Variants in KCNQ1OT1 observed in about 807,000 individuals in gnomAD.
KCNQ1OT1 encodes the protein KCNQ1 opposite strand/antisense transcript 1.
rs1228607868 is a variant in KCNQ1OT1 at position 2,613,583 on chromosome 11, A to T, written n.86412T>A. 1 of 398,448 alleles carries T rather than the reference A, an allele frequency of 2.5e-6. No homozygotes were observed. Among genetic ancestry groups the T allele is most frequent in the Non-Finnish European group, 4.4e-6 (1 of 226,062 alleles). The allele number at this position is 398,448 out of a possible 1,614,324, so 24.7% of individuals were successfully genotyped here. On this transcript the variant is annotated non_coding_transcript_exon_variant, in exon 1 of 1. Transcript: ENST00000597346. The surrounding 1 kb of genome is among the most constrained non-coding windows in gnomAD (Gnocchi z 4.8). ...AAGGCTTAATATTTTTTCTTTAATT[A>T]GCACTTTTCAATTTTATATTTCTTT... is the stretch of plus-strand genomic sequence containing the variant.
chr11:2,629,555 C>A (rs896287115), exon 1 of KCNQ1OT1: 6 of 398,420 alleles, frequency 1.5e-5, no homozygotes, highest in Admixed American at 8.8e-5. Flanking sequence ...GTGAGGATAT[C>A]CAGTTTTCCT....
At chr11:2,641,217 C>T in exon 1 of KCNQ1OT1, 1 of 398,342 alleles carries the variant, frequency 2.5e-6, no homozygotes. Context: ...TCATATTTCT[C>T]TTTTTAGGTT....
chr11:2,622,364 C>A, exon 1 of KCNQ1OT1: 1 of 398,132 alleles, frequency 2.5e-6, no homozygotes, highest in Non-Finnish European at 4.4e-6. Context: ...GTATAATTAC[C>A]TCCAGCTTTC....
Position 2,664,671 on chromosome 11 carries a change from G to A in KCNQ1OT1, n.35324C>T. 1 of 398,806 alleles carries A rather than the reference G, an allele frequency of 2.5e-6. No homozygotes were observed. The highest frequency in any genetic ancestry group is 4.4e-6 in the Non-Finnish European group (1 of 226,238). 24.7% of individuals were successfully genotyped at this position (398,806 alleles called of 1,614,324 possible). On this transcript the variant is annotated non_coding_transcript_exon_variant, in exon 1 of 1. Coordinates refer to ENST00000597346, the Ensembl canonical transcript of KCNQ1OT1. This position sits in a 1 kb window ranked among gnomAD's most constrained non-coding sequence, Gnocchi z 5.1. ...TGCTCAGGGATGCAGCGAAGCTCCT[G>A]TGGGCAGCCTGGCCCCATGGACCCT...
chr11:2,615,041 CTATT>C (rs1259178124), exon 1 of KCNQ1OT1: 1 of 398,266 alleles, frequency 2.5e-6, no homozygotes, highest in Non-Finnish European at 4.4e-6. Flanking sequence ...ATGTATAGTT[CTATT>C]TATTTAAGTC....
At chr11:2,656,952 A>G (rs1046648149) in exon 1 of KCNQ1OT1, 6 of 398,626 alleles carry the variant, frequency 1.5e-5, no homozygotes, top group East Asian at 1.4e-4. Context: ...TGGGTATCCA[A>G]CTGCTCCTGA....
rs1850433802 is a variant in KCNQ1OT1 at position 2,683,503 on chromosome 11, G to T, written n.16492C>A. ...TCCTATTAAAACATAACTTGTTAAA[G>T]CATAGAGCTTAGTTCAGAGTAAACA... On this transcript the variant is annotated non_coding_transcript_exon_variant, in exon 1 of 1. Coordinates refer to ENST00000597346, the Ensembl canonical transcript of KCNQ1OT1. The surrounding 1 kb of genome is among the most constrained non-coding windows in gnomAD (Gnocchi z 4.7). 1 of 398,498 alleles carries T rather than the reference G, an allele frequency of 2.5e-6. No individual in the cohort carries two copies. The highest frequency in any genetic ancestry group is 4.4e-6 in the Non-Finnish European group (1 of 226,062). 24.7% of individuals were successfully genotyped at this position (398,498 alleles called of 1,614,324 possible). A position where few individuals can be genotyped will look rare whatever the true frequency, so the allele number is the denominator to read the frequency against.
At position 2,679,103 on chromosome 11, in the gene KCNQ1OT1, T is replaced by G. The variant is rs2133878040; in HGVS notation, n.20892A>C. 5.0e-6 allele frequency: 2 copies of G among 398,252 alleles called. No individual in the cohort carries two copies. Among genetic ancestry groups the G allele is most frequent in the Non-Finnish European group, 4.4e-6 (1 of 225,992 alleles). 24.7% of individuals were successfully genotyped at this position (398,252 alleles called of 1,614,324 possible). ...TAAAGTGTCATAGCTAGAGCTAGAG[T>G]GCTGTTATAAGCTGTGCAGGCCAAA... On this transcript the variant is annotated non_coding_transcript_exon_variant, in exon 1 of 1. Transcript: ENST00000597346. The surrounding 1 kb of genome is among the most constrained non-coding windows in gnomAD (Gnocchi z 4.8).
At position 2,667,675 on chromosome 11, in the gene KCNQ1OT1, G is replaced by A. The variant is rs955752358; in HGVS notation, n.32320C>T. 112 of 398,582 alleles carry A rather than the reference G, an allele frequency of 2.8e-4. No homozygotes were observed. The highest frequency in any genetic ancestry group is 5.3e-5 in the Non-Finnish European group (12 of 226,156). 24.7% of individuals were successfully genotyped at this position (398,582 alleles called of 1,614,324 possible). ...GAGATTGAACTGCAGAGCCTCTGGA[G>A]GCTGAAGCACGGAGGTGACCTAGTC... is the stretch of plus-strand genomic sequence containing the variant. On this transcript the variant is annotated non_coding_transcript_exon_variant, in exon 1 of 1. Coordinates refer to ENST00000597346, the Ensembl canonical transcript of KCNQ1OT1.
exon 1 of KCNQ1OT1, chr11:2,686,726 C>G (rs1388077209): frequency 2.5e-6 from 1 of 398,570 alleles, no homozygotes; most frequent in Non-Finnish European, 4.4e-6. Context: ...CTCGGCCCCA[C>G]TTCTACCCAG....
exon 1 of KCNQ1OT1, chr11:2,694,765 G>A (rs1193212619): frequency 1.5e-5 from 6 of 398,452 alleles, no homozygotes; most frequent in Non-Finnish European, 2.2e-5. Flanking sequence ...CTAGAAAAGC[G>A]TAGCCTGTGC....
Position 2,663,657 on chromosome 11 carries a change from G to T in KCNQ1OT1, n.36338C>A. 2.5e-6 allele frequency: 1 copy of T among 398,678 alleles called. No homozygotes were observed. The highest frequency in any genetic ancestry group is 4.4e-6 in the Non-Finnish European group (1 of 226,098). The allele number at this position is 398,678 out of a possible 1,614,324, so 24.7% of individuals were successfully genotyped here. ...CAAAAAGTCCTACTGGGAGGAGAGG[G>T]CCATCACCCACAGTCCATCTAGCTG... On this transcript the variant is annotated non_coding_transcript_exon_variant, in exon 1 of 1. Transcript: ENST00000597346. The surrounding 1 kb of genome is among the most constrained non-coding windows in gnomAD (Gnocchi z 5.2).
chr11:2,636,548 G>A (rs1303438980), exon 1 of KCNQ1OT1: 1 of 152,138 alleles, frequency 6.6e-6, no homozygotes, highest in African/African-American at 2.4e-5. Flanking sequence ...CTTGATCATG[G>A]TGGATAAGCT....
At chr11:2,629,270 A>G (rs1365226857) in exon 1 of KCNQ1OT1, 20 of 398,224 alleles carry the variant, frequency 5.0e-5, no homozygotes, top group Non-Finnish European at 8.9e-5. Context: ...GAATTTGTTC[A>G]ATGTTTCATA....
chr11:2,690,429 G>A lies in KCNQ1OT1; in HGVS notation n.9566C>T. 2.5e-6 allele frequency: 1 copy of A among 398,658 alleles called. No homozygotes were observed. Among genetic ancestry groups the A allele is most frequent in the East Asian group, 3.6e-5 (1 of 28,070 alleles). 24.7% of individuals were successfully genotyped at this position (398,658 alleles called of 1,614,324 possible). ...CTCCCTGCGAAAGGCTGGGGTCCTG[G>A]GAGCTAGAGCTGGGTTAAGATAAGA... On this transcript the variant is annotated non_coding_transcript_exon_variant, in exon 1 of 1. Coordinates refer to ENST00000597346, the Ensembl canonical transcript of KCNQ1OT1. The surrounding 1 kb of genome is among the most constrained non-coding windows in gnomAD (Gnocchi z 5.1).
rs1849866556 is a variant in KCNQ1OT1 at position 2,657,271 on chromosome 11, T to C, written n.42724A>G. ...TCTCACACAGAAGCCTTGAGATTTT[T>C]ATTAAGATTTGGAGAGATTTATTCA... On this transcript the variant is annotated non_coding_transcript_exon_variant, in exon 1 of 1. Coordinates refer to ENST00000597346, the Ensembl canonical transcript of KCNQ1OT1. This position sits in a 1 kb window ranked among gnomAD's most constrained non-coding sequence, Gnocchi z 4.8. 7.5e-6 allele frequency: 3 copies of C among 398,526 alleles called. No homozygotes were observed. Among genetic ancestry groups the C allele is most frequent in the Non-Finnish European group, 4.4e-6 (1 of 226,072 alleles). The allele number at this position is 398,526 out of a possible 1,614,324, so 24.7% of individuals were successfully genotyped here. A position where few individuals can be genotyped will look rare whatever the true frequency, so the allele number is the denominator to read the frequency against.
At chr11:2,688,151 A>T (rs1000702833) in exon 1 of KCNQ1OT1, 1 of 398,642 alleles carries the variant, frequency 2.5e-6, no homozygotes, top group Admixed American at 4.4e-5. Context: ...GACCCCACGC[A>T]GCTCCCTAGG....
At chr11:2,688,062 G>A in exon 1 of KCNQ1OT1, 1 of 398,828 alleles carries the variant, frequency 2.5e-6, no homozygotes, top group East Asian at 3.6e-5. Context: ...CAGCCATGGA[G>A]TTGGTGCTTC....
In KCNQ1OT1 at chr11:2,690,945, A is replaced by G. The variant is rs941581941; in HGVS notation, n.9050T>C. Reference sequence around the variant, plus strand: ...GGCTTTAAGCCAACCTGAAAGGTTCATTTGGGAGTCACGGGTATGTGTCAA... The same window carrying G: ...GGCTTTAAGCCAACCTGAAAGGTTCGTTTGGGAGTCACGGGTATGTGTCAA... On this transcript the variant is annotated non_coding_transcript_exon_variant, in exon 1 of 1. Transcript: ENST00000597346. This position sits in a 1 kb window ranked among gnomAD's most constrained non-coding sequence, Gnocchi z 5.1. 5 of 398,530 alleles carry G rather than the reference A, an allele frequency of 1.3e-5. No homozygotes were observed. The highest frequency in any genetic ancestry group is 1.0e-4 in the African/African-American group (5 of 48,630). 24.7% of individuals were successfully genotyped at this position (398,530 alleles called of 1,614,324 possible).
Sources: gnomAD v4.1 joint callset for allele counts on GRCh38, gnomAD v4.1.1 for gene constraint, Gnocchi (gnomAD v3.1) non-coding constraint, MANE v1.5 for transcripts, NCBI Gene and HGNC (gene_info 2026-07-23, HGNC 2026-07-21) for gene names.